The following ATP9B variants were observed in gnomAD, a reference collection of about 807,000 sequenced individuals.
ATP9B encodes the protein ATPase phospholipid transporting 9B.
In ATP9B, 110 loss-of-function variants were observed where a neutral mutation model predicts 146.1. That is an observed-to-expected ratio of 0.75 (90% CI 0.65 to 0.88). The LOEUF (loss-of-function observed/expected upper bound fraction) is 0.88. Among genes scored for constraint, ATP9B ranks in the 40% least tolerant of loss-of-function variants. The probability of loss-of-function intolerance (pLI) is 0.00; values close to 1 mark genes in which losing one functional copy is unlikely to be tolerated. For missense variants in ATP9B, 1,499 were observed against 1,496.4 expected, an observed-to-expected ratio of 1.00 and a Z score of -0.03; for synonymous variants, 604 against 569.7, an observed-to-expected ratio of 1.06 and a Z score of -0.86.
chr18:79,359,250 A>AT, intron 25 of ATP9B, 104 bp from the exon 26 acceptor site: 5 of 796,710 alleles, frequency 6.3e-6, no homozygotes, highest in Non-Finnish European at 1.0e-5. Flanking sequence ...TTTGTGGAGT[A>AT]TTTTTTGGTG....
At chr18:79,156,880 G>A (rs948218166) in intron 7 of ATP9B, among the ~76,000 whole-genome samples, 1 of 152,132 alleles carries the variant, frequency 6.6e-6, no homozygotes, top group Admixed American at 6.5e-5. Context: ...ATAGTGCATT[G>A]CTTCACAGCA....
intron 13 of ATP9B, among the ~76,000 whole-genome samples, chr18:79,296,482 G>A (rs569261780): frequency 4.6e-5 from 7 of 152,302 alleles, no homozygotes; most frequent in African/African-American, 1.7e-4. Context: ...ACTTTGCAAC[G>A]TCAATAACGA....
intron 10 of ATP9B, among the ~76,000 whole-genome samples, chr18:79,212,962 A>C (rs753842850): frequency 6.6e-5 from 10 of 152,126 alleles, no homozygotes; most frequent in Non-Finnish European, 1.5e-4. Flanking sequence ...TTTTCTAGAG[A>C]GGAAGGTGTA....
chr18:79,292,470 T>G (rs2096515350), intron 13 of ATP9B, among the ~76,000 whole-genome samples: 1 of 152,024 alleles, frequency 6.6e-6, no homozygotes, highest in South Asian at 2.1e-4. Flanking sequence ...AAAAAATATT[T>G]CATTGTGTTA....
chr18:79,326,706 A>T (rs1600027695), intron 15 of ATP9B, among the ~76,000 whole-genome samples: 1 of 152,238 alleles, frequency 6.6e-6, no homozygotes, highest in Non-Finnish European at 1.5e-5. Context: ...CAGACACTGG[A>T]AAATCATGCT....
chr18:79,299,590 A>T (rs2096576347), intron 13 of ATP9B, among the ~76,000 whole-genome samples: 2 of 152,108 alleles, frequency 1.3e-5, no homozygotes, highest in Non-Finnish European at 2.9e-5. Flanking sequence ...ATGCTGTGGG[A>T]TTCTTTAGGA....
At chr18:79,233,084 G>A (rs538340552) in intron 11 of ATP9B, among the ~76,000 whole-genome samples, 9 of 152,248 alleles carry the variant, frequency 5.9e-5, no homozygotes, top group Non-Finnish European at 1.2e-4. Context: ...TTGAGCCCAC[G>A]AGATCAAGAC....
chr18:79,336,233 G>GGCACCAGGTGCTCCCCTCGCCCGTC (rs1378015506), intron 17 of ATP9B, among the ~76,000 whole-genome samples: 1 of 151,476 alleles, frequency 6.6e-6, no homozygotes, highest in Non-Finnish European at 1.5e-5. Context: ...CCCTCCGTGT[G>GGCACCAGGTGCTCCCCTCGCCCGTC]TTCTTGCTAC....
intron 5 of ATP9B, among the ~76,000 whole-genome samples, chr18:79,129,722 T>C (rs1461243673): frequency 6.6e-6 from 1 of 152,028 alleles, no homozygotes; most frequent in Non-Finnish European, 1.5e-5. Flanking sequence ...ATTACCAGAT[T>C]ATAATGTATG....
At chr18:79,109,797 C>G (rs1441819260) in intron 2 of ATP9B, among the ~76,000 whole-genome samples, 1 of 152,090 alleles carries the variant, frequency 6.6e-6, no homozygotes, top group Non-Finnish European at 1.5e-5. Flanking sequence ...AACTCCTAAC[C>G]TCAGGTGATC....
chr18:79,162,863 A>G (rs1322840408), intron 7 of ATP9B, among the ~76,000 whole-genome samples: 1 of 152,168 alleles, frequency 6.6e-6, no homozygotes, highest in Admixed American at 6.5e-5. Context: ...TTATTATGCG[A>G]TATGACAGAC....
chr18:79,333,131 C>T (rs2096800611), intron 17 of ATP9B: 1 of 152,396 alleles, frequency 6.6e-6, no homozygotes, highest in Admixed American at 6.5e-5. Context: ...TGGGTGGTGA[C>T]AGGGTCTCTG....
intron 15 of ATP9B, among the ~76,000 whole-genome samples, chr18:79,310,765 T>C (rs1220502227): frequency 6.6e-6 from 1 of 151,966 alleles, no homozygotes; most frequent in Non-Finnish European, 1.5e-5. Context: ...AACTTGTCTG[T>C]ACATCAGGCA....
chr18:79,175,977 T>C (rs934829586), intron 7 of ATP9B, among the ~76,000 whole-genome samples: 3 of 152,240 alleles, frequency 2.0e-5, no homozygotes, highest in African/African-American at 7.2e-5. Context: ...AACTATAATG[T>C]ATTTTTCTAT....
At chr18:79,232,316 G>A (rs780992615) in intron 11 of ATP9B, among the ~76,000 whole-genome samples, 1 of 152,200 alleles carries the variant, frequency 6.6e-6, no homozygotes, top group African/African-American at 2.4e-5. Context: ...CCCACACCTT[G>A]TCTGCACACC....
Position 79,118,390 on chromosome 18 carries a change from G to GGTTTTTTTTTTTTTTTTTTTTTTTTTT in ATP9B, c.558+5036_558+5037insGTTTTTTTTTTTTTTTTTTTTTTTTTT, listed in dbSNP as rs1555689295. 5.4e-5 allele frequency among the ~76,000 whole-genome samples: 5 copies of GGTTTTTTTTTTTTTTTTTTTTTTTTTT among 93,238 alleles called. 1 individual carries two copies. 61.2% of individuals were successfully genotyped at this position (93,238 alleles called of 152,430 possible). A position where few individuals can be genotyped will look rare whatever the true frequency, so the allele number is the denominator to read the frequency against. ...AAACACAATCATATTGAACGTTTTT[G>GGTTTTTTTTTTTTTTTTTTTTTTTTTT]TTTTTTTTTTTTTTTTTTTTTTTTT... is the stretch of plus-strand genomic sequence containing the variant. On this transcript the variant is annotated intron_variant, in intron 4 of 29. Transcript: ENST00000426216.
intron 6 of ATP9B, among the ~76,000 whole-genome samples, chr18:79,152,379 T>C (rs2094704074): frequency 6.6e-6 from 1 of 152,242 alleles, no homozygotes; most frequent in Non-Finnish European, 1.5e-5. Flanking sequence ...TTCTTTCCTT[T>C]CTTATCAGTT....
intron 14 of ATP9B, among the ~76,000 whole-genome samples, chr18:79,306,080 C>T (rs2096618926): frequency 6.6e-6 from 1 of 152,220 alleles, no homozygotes; most frequent in Admixed American, 6.5e-5. Context: ...GCAGCACCAG[C>T]TGAGCAGAAA....
chr18:79,271,274 C>T (rs2096250736), intron 12 of ATP9B, among the ~76,000 whole-genome samples: 1 of 152,036 alleles, frequency 6.6e-6, no homozygotes, highest in Non-Finnish European at 1.5e-5. Flanking sequence ...TTTTAGGGTA[C>T]ATGTGCACAA....
Sources: gnomAD v4.1 joint callset for allele counts (sites outside exome capture counted in the v4.1 genomes callset) on GRCh38, gnomAD v4.1.1 for gene constraint, MANE v1.5 for transcripts, NCBI Gene and HGNC (gene_info 2026-07-23, HGNC 2026-07-21) for gene names.